Variants in C14orf39 observed in about 807,000 individuals in gnomAD.
C14orf39 encodes the protein chromosome 14 open reading frame 39.
Under a neutral mutation model 85.6 loss-of-function variants are expected in C14orf39, and 66 were observed. The ratio of observed to expected loss-of-function variants is 0.77; its 90% CI spans 0.63 to 0.95. The LOEUF is 0.95. C14orf39 is among the 40% of genes least tolerant of loss of function. The probability of loss-of-function intolerance (pLI) is 0.00; values close to 1 mark genes in which losing one functional copy is unlikely to be tolerated. For synonymous variants in C14orf39, 242 were observed against 214.0 expected (o/e 1.13, Z -1.14); for missense variants, 735 against 663.9 (o/e 1.11, Z -1.18).
At chr14:60,445,410 C>T (rs943825989) in intron 16 of C14orf39, among the ~76,000 whole-genome samples, 4 of 152,062 alleles carry the variant, frequency 2.6e-5, no homozygotes, top group African/African-American at 7.2e-5. Flanking sequence ...CCAGGAGTTG[C>T]AATCCTAGTC....
chr14:60,438,571 T>C (rs1461515901), intron 17 of C14orf39, among the ~76,000 whole-genome samples: 1 of 152,152 alleles, frequency 6.6e-6, no homozygotes, highest in East Asian at 1.9e-4. Flanking sequence ...AATTCAAAGG[T>C]ACATTTTAAA....
At chr14:60,505,386 A>G (rs1191836036) in intron 1 of C14orf39, among the ~76,000 whole-genome samples, 2 of 152,272 alleles carry the variant, frequency 1.3e-5, no homozygotes, top group Non-Finnish European at 2.9e-5. Context: ...TCAGAATGCC[A>G]AATAAATAAA....
intron 1 of C14orf39, among the ~76,000 whole-genome samples, chr14:60,500,177 G>A (rs768516936): frequency 7.9e-5 from 12 of 152,152 alleles, no homozygotes; most frequent in Non-Finnish European, 1.2e-4. Context: ...ACAAGCATGC[G>A]CCACCACACC....
chr14:60,463,029 A>G (rs1336948618), intron 11 of C14orf39, among the ~76,000 whole-genome samples: 2 of 152,148 alleles, frequency 1.3e-5, no homozygotes, highest in Non-Finnish European at 2.9e-5. Flanking sequence ...TTTATTTGTA[A>G]TAAATTTATA....
rs376359332 is a variant in C14orf39, at chr14:60,457,088, T to C, written c.1187A>G (p.Tyr396Cys). 6 of 1,550,768 alleles carry C rather than the reference T, an allele frequency of 3.9e-6. No individual in the cohort carries two copies. Among genetic ancestry groups the C allele is most frequent in the South Asian group, 2.4e-5 (2 of 81,802 alleles). The change falls in exon 15 of 18, where the codon TAT (tyrosine) becomes TGT (cysteine). Residue 396 changes from tyrosine (Y) to cysteine (C), a missense_variant. Transcript: ENST00000321731. ...TACTGACTTCCCAAAATGTTCAGTA[T>C]ATATAGCCTGCAAATTCAAAGTAAC... ...RESKCTSQAI[Y>C]TEHFGKSVEN...
At position 60,511,462 on chromosome 14, in the gene C14orf39, G is replaced by T. The variant is rs751976804; in HGVS notation, c.-144+3933C>A. On this transcript the variant is annotated intron_variant, in intron 1 of 5. Transcript: ENST00000556799. ...TTTGGCCGCGACCACGGGAACCAGCGGTGAGGCCTGACCCAGCACCACGTT... is the reference window on the plus strand; with the variant it reads ...TTTGGCCGCGACCACGGGAACCAGCTGTGAGGCCTGACCCAGCACCACGTT... 28 of 648,164 alleles carry T rather than the reference G, an allele frequency of 4.3e-5. No homozygotes were observed. Among genetic ancestry groups the T allele is most frequent in the Non-Finnish European group, 6.9e-5 (25 of 362,892 alleles). 40.2% of individuals were successfully genotyped at this position (648,164 alleles called of 1,614,324 possible).
At chr14:60,509,377 C>A (rs1279693192) in intron 1 of C14orf39, 1 of 1,596,802 alleles carries the variant, frequency 6.3e-7, no homozygotes, top group South Asian at 1.1e-5. Context: ...TCAGTGCCCT[C>A]GCCGCCGCCG....
chr14:60,443,507 C>T (rs1890621200), intron 16 of C14orf39, among the ~76,000 whole-genome samples: 2 of 152,196 alleles, frequency 1.3e-5, no homozygotes, highest in African/African-American at 4.8e-5. Context: ...AGTAGGTAAA[C>T]AAAGCAGCCA....
chr14:60,509,347 C>A, intron 1 of C14orf39: 1 of 1,509,330 alleles, frequency 6.6e-7, no homozygotes, highest in Non-Finnish European at 9.1e-7. Flanking sequence ...CGGGCATCTG[C>A]TGCGTGTCCC....
At chr14:60,500,160 T>G (rs1026267310) in intron 1 of C14orf39, among the ~76,000 whole-genome samples, 4 of 152,156 alleles carry the variant, frequency 2.6e-5, no homozygotes, top group African/African-American at 9.7e-5. Context: ...CCCAGATAGC[T>G]GGGATTACAA....
At chr14:60,445,442 C>T (rs1890718142) in intron 16 of C14orf39, among the ~76,000 whole-genome samples, 1 of 152,014 alleles carries the variant, frequency 6.6e-6, no homozygotes, top group Non-Finnish European at 1.5e-5. Flanking sequence ...AGACTTTAAA[C>T]CAACAAAGAT....
chr14:60,456,901 T>G lies in C14orf39; in HGVS notation c.1358+16A>C. ...CATACAAATAATTTAACAATAGTTA[T>G]TAATTAAAATCCTACATTTCGAACG... On this transcript the variant is annotated intron_variant, in intron 15 of 17. Transcript: ENST00000321731. 1 of 1,537,978 alleles carries G rather than the reference T, an allele frequency of 6.5e-7. No individual in the cohort carries two copies. The highest frequency in any genetic ancestry group is 8.7e-7 in the Non-Finnish European group (1 of 1,143,178).
chr14:60,461,359 T>C lies in C14orf39; in HGVS notation c.1112A>G (p.Asp371Gly), dbSNP rs1335485373. Residue 371 changes from aspartate to glycine, a missense_variant, in exon 13 of 18, where the codon GAT becomes GGT. Transcript: ENST00000321731. ...SNSNQWSEKG[D>G]KDAEYGDKGT... ...AAAATATAAACGGCAAATACCTTTA[T>C]CCCCTTTTTCCGACCACTGATTGGA... 6.2e-7 allele frequency: 1 copy of C among 1,610,294 alleles called. No individual in the cohort carries two copies. Among genetic ancestry groups the C allele is most frequent in the Non-Finnish European group, 8.5e-7 (1 of 1,177,790 alleles).
chr14:60,474,558 A>G (rs1325093488), intron 5 of C14orf39, among the ~76,000 whole-genome samples: 5 of 151,780 alleles, frequency 3.3e-5, no homozygotes, highest in African/African-American at 1.2e-4. Context: ...AGCTCTTATT[A>G]TTTTGAGATA....
intron 1 of C14orf39, among the ~76,000 whole-genome samples, chr14:60,499,604 C>A (rs1479294923): frequency 1.3e-5 from 2 of 152,152 alleles, no homozygotes; most frequent in Non-Finnish European, 2.9e-5. Context: ...GAAGGAAATA[C>A]AGATTATTTT....
intron 5 of C14orf39, among the ~76,000 whole-genome samples, chr14:60,477,536 TATA>T (rs1892440140): frequency 6.6e-6 from 1 of 152,202 alleles, no homozygotes; most frequent in Admixed American, 6.5e-5. Flanking sequence ...TGATTATACA[TATA>T]ATAAAATAAA....
intron 13 of C14orf39, 151 bp downstream of exon 13, chr14:60,461,203 C>G (rs1277498683): frequency 1.7e-6 from 1 of 576,518 alleles, no homozygotes; most frequent in African/African-American, 1.9e-5. Context: ...TGTATTTGTT[C>G]TATATTTAGG....
Position 60,509,486 on chromosome 14 carries a change from C to T in C14orf39, c.-144+5909G>A. 28 of 1,602,144 alleles carry T rather than the reference C, an allele frequency of 1.7e-5. No homozygotes were observed. The highest frequency in any genetic ancestry group is 2.4e-5 in the Non-Finnish European group (28 of 1,179,942). On this transcript the variant is annotated intron_variant, in intron 1 of 5. Coordinates refer to the C14orf39 transcript ENST00000556799. Reference sequence around the variant, plus strand: ...GGAAGAGAGCGGCGATGTGGAGCGCCTGGGTCGCTTCCTCTGGTCGCTGCC... The same window carrying T: ...GGAAGAGAGCGGCGATGTGGAGCGCTTGGGTCGCTTCCTCTGGTCGCTGCC...
At chr14:60,453,134 T>C (rs547920828) in intron 16 of C14orf39, among the ~76,000 whole-genome samples, 2 of 152,288 alleles carry the variant, frequency 1.3e-5, no homozygotes, top group South Asian at 4.1e-4. Flanking sequence ...TATCTAATTC[T>C]ACCAGCTGCT....
Sources: allele counts gnomAD v4.1 joint callset (sites outside exome capture counted in the v4.1 genomes callset), GRCh38; gene constraint gnomAD v4.1.1; transcripts MANE v1.5; gene names NCBI Gene and HGNC (gene_info 2026-07-23, HGNC 2026-07-21).